The following UGT2B10 variants were observed in gnomAD, a reference collection of about 807,000 sequenced individuals.
UGT2B10 encodes UDP glucuronosyltransferase family 2 member B10.
Under a neutral mutation model 43.7 loss-of-function variants are expected in UGT2B10, and 51 were observed. The observed-to-expected ratio is 1.17, with a 90% CI of 0.93 to 1.47. The LOEUF is 1.47. UGT2B10 is among the 40% of genes most tolerant of loss of function. The pLI is 0.00. For missense variants in UGT2B10, 696 were observed against 617.7 expected, an observed-to-expected ratio of 1.13 and a Z score of -1.34; for synonymous variants, 225 against 209.0, an observed-to-expected ratio of 1.08 and a Z score of -0.66.
chr4:68,824,953 T>C (rs991684648), intron 3 of UGT2B10, among the ~76,000 whole-genome samples: 7 of 152,186 alleles, frequency 4.6e-5, no homozygotes, highest in Non-Finnish European at 8.8e-5. Flanking sequence ...GTGTCAAAAA[T>C]TGTCACTTGA....
chr4:68,826,204 A>G (rs1737765102), intron 3 of UGT2B10, among the ~76,000 whole-genome samples: 1 of 152,132 alleles, frequency 6.6e-6, no homozygotes, highest in Non-Finnish European at 1.5e-5. Flanking sequence ...TTTCTAAGGT[A>G]TTACTTTGGA....
At chr4:68,829,800 A>G (rs1560421758) in intron 5 of UGT2B10, among the ~76,000 whole-genome samples, 12 of 152,100 alleles carry the variant, frequency 7.9e-5, no homozygotes, top group Admixed American at 5.2e-4. Flanking sequence ...GTGCAGGTAA[A>G]AGTGTTAGAA....
intron 2 of UGT2B10, among the ~76,000 whole-genome samples, chr4:68,819,407 A>G (rs1737384491): frequency 6.6e-6 from 1 of 151,976 alleles, no homozygotes. Flanking sequence ...GCTAGTTGAA[A>G]TTTTAAAATT....
At chr4:68,827,009 T>C (rs1469037946) in intron 4 of UGT2B10, among the ~76,000 whole-genome samples, 7 of 152,052 alleles carry the variant, frequency 4.6e-5, no homozygotes, top group Non-Finnish European at 1.0e-4. Flanking sequence ...TCACACTCTG[T>C]GACTGTACTT....
At chr4:68,822,915 G>A (rs1454956830) in intron 3 of UGT2B10, among the ~76,000 whole-genome samples, 2 of 152,118 alleles carry the variant, frequency 1.3e-5, no homozygotes, top group Non-Finnish European at 2.9e-5. Flanking sequence ...TCCAATGGGT[G>A]AAGAACACTT....
At chr4:68,818,435 C>T (rs1483032960) in intron 2 of UGT2B10, among the ~76,000 whole-genome samples, 1 of 151,552 alleles carries the variant, frequency 6.6e-6, no homozygotes. Context: ...TTATGCAACA[C>T]CTAAGAAGGT....
At chr4:68,820,663 G>A (rs75601113) in intron 2 of UGT2B10, among the ~76,000 whole-genome samples, 10,351 of 151,812 alleles carry the variant, frequency 0.068, 389 homozygotes, top group Non-Finnish European at 0.093. Flanking sequence ...TTTTGCAGGA[G>A]GAAATGTATA....
chr4:68,826,124 G>A (rs900218987), intron 3 of UGT2B10, among the ~76,000 whole-genome samples: 5 of 151,820 alleles, frequency 3.3e-5, no homozygotes, highest in South Asian at 2.1e-4. Flanking sequence ...ATGGTTAGCC[G>A]CAGGTAGTTC....
At chr4:68,817,927 C>T in intron 1 of UGT2B10, 102 bp from the exon 2 acceptor site, 2 of 1,407,464 alleles carry the variant, frequency 1.4e-6, no homozygotes, top group Non-Finnish European at 1.9e-6. Flanking sequence ...AGCACACAAA[C>T]TTTACCAACA....
chr4:68,819,855 T>C (rs1474384133), intron 2 of UGT2B10, among the ~76,000 whole-genome samples: 2 of 152,096 alleles, frequency 1.3e-5, no homozygotes, highest in African/African-American at 4.8e-5. Context: ...TAACATCACA[T>C]TTTAAGGCAT....
intron 3 of UGT2B10, among the ~76,000 whole-genome samples, chr4:68,825,956 A>G (rs1737750178): frequency 6.6e-6 from 1 of 152,010 alleles, no homozygotes; most frequent in South Asian, 2.1e-4. Flanking sequence ...ATTCCAACCA[A>G]CAGAGTATAA....
chr4:68,825,587 T>A (rs115479552), intron 3 of UGT2B10, among the ~76,000 whole-genome samples: 1,843 of 152,206 alleles, frequency 0.012, 28 homozygotes, highest in African/African-American at 0.043. Flanking sequence ...GAGGACTTGT[T>A]ACACTTGGAT....
chr4:68,830,970 T>C lies in UGT2B10; in HGVS notation c.*91T>C. 1.3e-6 allele frequency: 2 copies of C among 1,488,410 alleles called. No homozygotes were observed. The highest frequency in any genetic ancestry group is 1.8e-6 in the Non-Finnish European group (2 of 1,112,538). 92.2% of individuals were successfully genotyped at this position (1,488,410 alleles called of 1,614,324 possible). ...AATATTGTGATGCAAGATTTCTTTC[T>C]TCCTGTGACAAAAAAAAATCCTTTC... On this transcript the variant is annotated 3_prime_UTR_variant, in exon 6 of 6. Transcript: ENST00000265403.
rs1371588764 is a variant in UGT2B10 at position 68,831,787 on chromosome 4, T to A, written c.*908T>A. ...CCTGATTCAATGTGATTATCTCAAT[T>A]TTTATTTCATTCTGTCCTAACTCTT... On this transcript the variant is annotated 3_prime_UTR_variant, in exon 6 of 6. Coordinates refer to ENST00000265403, the MANE Select transcript of UGT2B10 (RefSeq NM_001075.6). 6.6e-6 allele frequency among the ~76,000 whole-genome samples: 1 copy of A among 152,128 alleles called. No individual in the cohort carries two copies. Among genetic ancestry groups the A allele is most frequent in the Non-Finnish European group, 1.5e-5 (1 of 68,000 alleles).
At chr4:68,821,471 A>G (rs1488875594) in intron 2 of UGT2B10, among the ~76,000 whole-genome samples, 7 of 152,156 alleles carry the variant, frequency 4.6e-5, no homozygotes, top group Non-Finnish European at 7.3e-5. Context: ...TAGCACATCA[A>G]TTTAACAGTG....
intron 3 of UGT2B10, 137 bp downstream of exon 3, chr4:68,822,539 T>G: frequency 6.5e-7 from 1 of 1,542,258 alleles, no homozygotes; most frequent in Non-Finnish European, 8.7e-7. Context: ...TTGTATAGCA[T>G]CCACTGACAG....
In UGT2B10 at chr4:68,830,715, C is replaced by T; in HGVS notation, c.1423C>T (p.Leu475Phe). 6.2e-7 allele frequency: 1 copy of T among 1,613,456 alleles called. No individual in the cohort carries two copies. The change falls in exon 6 of 6, where the codon CTT becomes TTT. Residue 475 changes from leucine (L) to phenylalanine (F), a missense_variant. Coordinates refer to ENST00000265403, the MANE Select transcript of UGT2B10 (RefSeq NM_001075.6). ...CATGCGCCACAAAGGAGCCAAACATCTTCGAGTTGCAGCCCACAACCTCAC... is the reference window on the plus strand; with the variant it reads ...CATGCGCCACAAAGGAGCCAAACATTTTCGAGTTGCAGCCCACAACCTCAC... ...FVMRHKGAKH[L>F]RVAAHNLTWF...
In UGT2B10 at chr4:68,825,086, A is replaced by G. The variant is rs183296869; in HGVS notation, c.1000-1324A>G. On this transcript the variant is annotated intron_variant, in intron 3 of 5. Transcript: ENST00000265403. The stretch of plus-strand genomic sequence containing the variant: ...TATAGACTTGCTATTTTGTCAATCA[A>G]AGGACAACAGGCTGTAATATAATAA... 5.2e-4 allele frequency among the ~76,000 whole-genome samples: 79 copies of G among 152,196 alleles called. 2 individuals are homozygous for G. The East Asian group carries it at 0.014, about 27-fold the overall frequency.
intron 5 of UGT2B10, among the ~76,000 whole-genome samples, chr4:68,827,750 G>A (rs1325692107): frequency 6.6e-6 from 1 of 151,804 alleles, no homozygotes; most frequent in Non-Finnish European, 1.5e-5. Context: ...TAACCAGTTA[G>A]TGAAACAGTT....
Sources: gnomAD v4.1 joint callset for allele counts (sites outside exome capture counted in the v4.1 genomes callset) on GRCh38, gnomAD v4.1.1 for gene constraint, MANE v1.5 for transcripts, NCBI Gene and HGNC (gene_info 2026-07-23, HGNC 2026-07-21) for gene names.